The following PTPRD variants were observed in gnomAD, a reference collection of about 807,000 sequenced individuals.
PTPRD encodes the protein receptor-type tyrosine-protein phosphatase delta.
In PTPRD, 34 loss-of-function variants were observed where a neutral mutation model predicts 214.5. The ratio of observed to expected loss-of-function variants is 0.16; its 90% CI spans 0.12 to 0.21. PTPRD has a LOEUF of 0.21. PTPRD is among the 10% of genes least tolerant of loss of function. The probability of loss-of-function intolerance (pLI) is 1.00; values close to 1 mark genes in which losing one functional copy is unlikely to be tolerated. For missense variants in PTPRD, 2,545 were observed against 2,398.7 expected (o/e 1.06, Z -1.27); for synonymous variants, 1,128 against 845.7 (o/e 1.33, Z -5.79).
chr9:8,811,528 G>A (rs541799152), intron 11 of PTPRD, among the ~76,000 whole-genome samples: 22 of 152,190 alleles, frequency 1.4e-4, no homozygotes, highest in African/African-American at 3.4e-4. Flanking sequence ...AAGCCCAATC[G>A]GGAAACAGTC....
intron 10 of PTPRD, among the ~76,000 whole-genome samples, chr9:9,054,576 G>C (rs1019258128): frequency 6.6e-6 from 1 of 152,162 alleles, no homozygotes; most frequent in African/African-American, 2.4e-5. Context: ...ACAAGGCCAA[G>C]GGTGTGAGGG....
intron 5 of PTPRD, among the ~76,000 whole-genome samples, chr9:9,934,496 G>A (rs1270964788): frequency 2.7e-5 from 4 of 148,756 alleles, no homozygotes; most frequent in East Asian, 2.0e-4. Context: ...TAAATTCCTC[G>A]ACACATACAC....
intron 8 of PTPRD, among the ~76,000 whole-genome samples, chr9:9,445,890 G>A (rs2090229361): frequency 6.6e-6 from 1 of 152,160 alleles, no homozygotes; most frequent in South Asian, 2.1e-4. Context: ...TTGTGCTTAT[G>A]CAAGTTCAAA....
intron 10 of PTPRD, among the ~76,000 whole-genome samples, chr9:9,111,379 C>A (rs186793603): frequency 6.6e-6 from 1 of 151,466 alleles, no homozygotes; most frequent in Admixed American, 6.6e-5. Context: ...TCTTTAGAAC[C>A]GGAATCTTCT....
At chr9:10,466,683 C>G (rs1223308354) in intron 2 of PTPRD, among the ~76,000 whole-genome samples, 2 of 144,848 alleles carry the variant, frequency 1.4e-5, no homozygotes, top group Non-Finnish European at 3.0e-5. Flanking sequence ...GTGTATAGCT[C>G]TAAAGTGAAA....
intron 2 of PTPRD, among the ~76,000 whole-genome samples, chr9:10,463,195 G>A (rs997865267): frequency 7.9e-5 from 12 of 151,908 alleles, no homozygotes; most frequent in Non-Finnish European, 1.3e-4. Context: ...CTGAATATAC[G>A]ATAATTATAA....
Position 10,189,185 on chromosome 9 carries a change from C to T in PTPRD, c.-545+151778G>A, listed in dbSNP as rs574344190. The stretch of plus-strand genomic sequence containing the variant: ...TCGCCCTGGAGTTTAGTGCTTCTTT[C>T]TTTGGAATCCTAACTGGTCCCATCT... On this transcript the variant is annotated intron_variant, in intron 3 of 45. Coordinates refer to ENST00000381196, the MANE Select transcript of PTPRD (RefSeq NM_002839.4). Among the ~76,000 whole-genome samples, 5 of 152,210 alleles carry T rather than the reference C, an allele frequency of 3.3e-5. No homozygotes were observed. The South Asian group carries it at 1.0e-3, about 32-fold the overall frequency.
chr9:9,919,635 C>G (rs189708061), intron 5 of PTPRD, among the ~76,000 whole-genome samples: 37 of 152,230 alleles, frequency 2.4e-4, no homozygotes, highest in Admixed American at 1.3e-3. Context: ...AAATTACAGA[C>G]TTTGGTAAGG....
At chr9:9,982,475 GGTGTGTGT>G (rs201055413) in intron 4 of PTPRD, among the ~76,000 whole-genome samples, 53 of 46,802 alleles carry the variant, frequency 1.1e-3, no homozygotes, top group Non-Finnish European at 2.7e-3. Flanking sequence ...TGGTGGTGGT[GGTGTGTGT>G]GTGTGTGTGT....
At chr9:10,396,286 C>A (rs1409970488) in intron 2 of PTPRD, among the ~76,000 whole-genome samples, 1 of 151,904 alleles carries the variant, frequency 6.6e-6, no homozygotes, top group African/African-American at 2.4e-5. Flanking sequence ...TCCCTGAAAT[C>A]TTCTGATCAT....
intron 12 of PTPRD, among the ~76,000 whole-genome samples, chr9:8,720,218 C>G (rs2098477661): frequency 2.6e-5 from 4 of 152,174 alleles, no homozygotes; most frequent in Admixed American, 2.6e-4. Context: ...CCTGGGACAG[C>G]TGCAACAGGT....
chr9:10,270,208 A>T (rs1326841296), intron 3 of PTPRD, among the ~76,000 whole-genome samples: 1 of 151,630 alleles, frequency 6.6e-6, no homozygotes, highest in African/African-American at 2.4e-5. Flanking sequence ...CATCTTCCTT[A>T]ATCAAATTAT....
At chr9:8,428,793 A>C (rs1305211543) in intron 35 of PTPRD, among the ~76,000 whole-genome samples, 3 of 152,240 alleles carry the variant, frequency 2.0e-5, no homozygotes, top group Admixed American at 2.0e-4. Flanking sequence ...CAGATATGAC[A>C]GTAGTTTTGC....
rs76001168 is a variant in PTPRD, at chr9:9,731,989, A to C, written c.-287+2544T>G. Among the ~76,000 whole-genome samples the C allele has an allele frequency of 3.6e-3, 550 of 152,256 alleles. 4 individuals are homozygous for C. The highest frequency in any genetic ancestry group is 5.5e-3 in the Non-Finnish European group (374 of 68,004). The stretch of plus-strand genomic sequence containing the variant: ...TAGAACATATGACAGTGTAAGGTAA[A>C]GTGCTATGCTTTGTCATCTTAAAAA... On this transcript the variant is annotated intron_variant, in intron 7 of 45. Coordinates refer to ENST00000381196, the MANE Select transcript of PTPRD (RefSeq NM_002839.4).
At position 10,543,770 on chromosome 9, in the gene PTPRD, A is replaced by C. The variant is rs1432261192; in HGVS notation, c.-600+68628T>G. Reference sequence around the variant, plus strand: ...AGCTATTAATACATCGCAGTCAACAACCTTTCACTGTTTGCATAAATAATA... The same window carrying C: ...AGCTATTAATACATCGCAGTCAACACCCTTTCACTGTTTGCATAAATAATA... On this transcript the variant is annotated intron_variant, in intron 2 of 45. Coordinates refer to ENST00000381196, the MANE Select transcript of PTPRD (RefSeq NM_002839.4). 3.3e-5 allele frequency among the ~76,000 whole-genome samples: 5 copies of C among 152,200 alleles called. 1 individual carries two copies. In the South Asian group the frequency reaches 1.0e-3, roughly 32 times the overall value.
At chr9:10,399,090 G>A (rs1182392930) in intron 2 of PTPRD, among the ~76,000 whole-genome samples, 1 of 151,934 alleles carries the variant, frequency 6.6e-6, no homozygotes, top group Admixed American at 6.6e-5. Context: ...GGCTCCTGCA[G>A]AGATGAGGTC....
intron 11 of PTPRD, among the ~76,000 whole-genome samples, chr9:8,940,789 T>G (rs567720272): frequency 6.6e-6 from 1 of 150,906 alleles, no homozygotes; most frequent in African/African-American, 2.4e-5. Flanking sequence ...CTTGGGTAGA[T>G]CCTATTCTCT....
chr9:10,453,606 T>C (rs750916162), intron 2 of PTPRD, among the ~76,000 whole-genome samples: 1 of 151,736 alleles, frequency 6.6e-6, no homozygotes, highest in African/African-American at 2.4e-5. Context: ...AGGCATTTCA[T>C]TGTTAGTGTA....
intron 5 of PTPRD, among the ~76,000 whole-genome samples, chr9:9,794,884 G>A (rs1251894194): frequency 6.6e-6 from 1 of 152,144 alleles, no homozygotes; most frequent in Non-Finnish European, 1.5e-5. Flanking sequence ...TAAATTGAAG[G>A]GAAGAGAACC....
Sources: gnomAD v4.1 joint callset for allele counts (sites outside exome capture counted in the v4.1 genomes callset) on GRCh38, gnomAD v4.1.1 for gene constraint, MANE v1.5 for transcripts, NCBI Gene and HGNC (gene_info 2026-07-23, HGNC 2026-07-21) for gene names.